The following PREX1 variants were observed in gnomAD, a reference collection of about 807,000 sequenced individuals.
PREX1 encodes the protein phosphatidylinositol 3,4,5-trisphosphate-dependent Rac exchanger 1 protein.
PREX1 carries 41 observed loss-of-function variants against 198.3 expected under a neutral mutation model. That is an observed-to-expected ratio of 0.21 (90% confidence interval 0.16 to 0.27). The LOEUF (loss-of-function observed/expected upper bound fraction) is 0.27. Among genes scored for constraint, PREX1 ranks in the 10% least tolerant of loss-of-function variants. PREX1 has a pLI of 1.00. For synonymous variants in PREX1, 843 were observed against 887.2 expected, an observed-to-expected ratio of 0.95 and a Z score of 0.89; for missense variants, 1,620 against 2,200.7, an observed-to-expected ratio of 0.74 and a Z score of 5.28.
In PREX1 at chr20:48,700,867, A is replaced by T; in HGVS notation, c.803T>A (p.Ile268Asn). Residue 268 changes from isoleucine (I) to asparagine (N), a missense_variant, in exon 7 of 40, where the codon ATC becomes AAC. By Grantham distance (149) the Ile-to-Asn change is moderately radical. Coordinates refer to ENST00000371941, the MANE Select transcript of PREX1 (RefSeq NM_020820.4). ...CCCTTGCAGGAGGAGCTGAGTGCAGATGTCTGTGAGGTTGGAACCCTGGAA... is the reference window on the plus strand; with the variant it reads ...CCCTTGCAGGAGGAGCTGAGTGCAGTTGTCTGTGAGGTTGGAACCCTGGAA... The part of the protein sequence containing the change: ...EGWEGSNLTD[I>N]CTQLLLQGTL... 6.2e-7 allele frequency: 1 copy of T among 1,614,180 alleles called. No individual in the cohort carries two copies. The highest frequency in any genetic ancestry group is 8.5e-7 in the Non-Finnish European group (1 of 1,180,032).
At chr20:48,773,868 A>T (rs540474436) in intron 1 of PREX1, among the ~76,000 whole-genome samples, 2 of 152,282 alleles carry the variant, frequency 1.3e-5, no homozygotes, top group Admixed American at 1.3e-4. Context: ...TGAACAACAG[A>T]CTGTAGCAGG....
In PREX1 at chr20:48,717,971, C is replaced by T. The variant is rs115013937; in HGVS notation, c.621+8319G>A. Among the ~76,000 whole-genome samples the T allele has an allele frequency of 4.7e-3, 709 of 152,336 alleles. 7 individuals are homozygous for T. Among genetic ancestry groups the T allele is most frequent in the African/African-American group, 0.016 (685 of 41,568 alleles). The stretch of plus-strand genomic sequence containing the variant: ...TCAGCAAAGCAGAAGCTCTGGCCAC[C>T]CTGGACTTGCGTTTCCACCTTACAG... On this transcript the variant is annotated intron_variant, in intron 5 of 39. Coordinates refer to ENST00000371941, the MANE Select transcript of PREX1 (RefSeq NM_020820.4).
At chr20:48,727,671 G>C (rs1455577616) in intron 4 of PREX1, among the ~76,000 whole-genome samples, 2 of 152,030 alleles carry the variant, frequency 1.3e-5, no homozygotes, top group Non-Finnish European at 2.9e-5. Context: ...ACAGAGCTGG[G>C]ACCTAGAGCC....
chr20:48,676,106 T>A, intron 14 of PREX1, 87 bp downstream of exon 14: 1 of 1,313,244 alleles, frequency 7.6e-7, no homozygotes, highest in Non-Finnish European at 1.1e-6. Context: ...TTAAAAGCAA[T>A]AAGAAAAAAT....
intron 14 of PREX1, among the ~76,000 whole-genome samples, chr20:48,669,294 C>T (rs577387063): frequency 6.6e-6 from 1 of 152,310 alleles, no homozygotes; most frequent in African/African-American, 2.4e-5. Context: ...TCCTTAACTA[C>T]CTGAAAGTAG....
Position 48,689,460 on chromosome 20 carries a change from C to T in PREX1, c.1187-656G>A, listed in dbSNP as rs115410768. Among the ~76,000 whole-genome samples, 354 of 152,310 alleles carry T rather than the reference C, an allele frequency of 2.3e-3. 2 individuals are homozygous for T. The highest frequency in any genetic ancestry group is 7.6e-3 in the African/African-American group (318 of 41,578). On this transcript the variant is annotated intron_variant, in intron 9 of 39. Coordinates refer to ENST00000371941, the MANE Select transcript of PREX1 (RefSeq NM_020820.4). The stretch of plus-strand genomic sequence containing the variant: ...GGTTGCCCAATTGGAAGTGGTGAAA[C>T]CAGAATTTAGACCCAGGAAGTTGGT...
At chr20:48,635,029 G>A (rs767095228) in intron 32 of PREX1, among the ~76,000 whole-genome samples, 5 of 152,114 alleles carry the variant, frequency 3.3e-5, no homozygotes, top group Admixed American at 1.3e-4. Context: ...TGCCTCTCTT[G>A]CCTGGATCAC....
At chr20:48,658,083 AC>A (rs757106377) in intron 17 of PREX1, 52 bp downstream of exon 17, 10 of 1,546,504 alleles carry the variant, frequency 6.5e-6, no homozygotes, top group Non-Finnish European at 8.8e-6. Context: ...GAAGAGAGAC[AC>A]CCCGCTCTGC....
intron 7 of PREX1, among the ~76,000 whole-genome samples, chr20:48,698,328 C>T (rs2089857354): frequency 6.6e-6 from 1 of 152,210 alleles, no homozygotes; most frequent in Admixed American, 6.5e-5. Context: ...GTAAACTCAT[C>T]TAAAAGTTGG....
At chr20:48,676,136 C>T in intron 14 of PREX1, 57 bp downstream of exon 14, 1 of 1,515,848 alleles carries the variant, frequency 6.6e-7, no homozygotes, top group Non-Finnish European at 9.2e-7. Context: ...AAACAGAAAG[C>T]CCCACACTGA....
rs149464269 is a variant in PREX1 at position 48,642,108 on chromosome 20, C to T, written c.3775+60G>A. Reference sequence around the variant, plus strand: ...GAGCTGAGCATTAGCCCGGGTACGCCGCCCTGTCTAACACCCTTCCCCATC... The same window carrying T: ...GAGCTGAGCATTAGCCCGGGTACGCTGCCCTGTCTAACACCCTTCCCCATC... On this transcript the variant is annotated intron_variant, in intron 29 of 39. Transcript: ENST00000371941. 2.1e-4 allele frequency: 332 copies of T among 1,545,398 alleles called. 1 individual carries two copies. In the African/African-American group the frequency reaches 3.9e-3, roughly 18 times the overall value.
chr20:48,705,672 T>C (rs1048114664), intron 6 of PREX1, among the ~76,000 whole-genome samples: 1 of 152,254 alleles, frequency 6.6e-6, no homozygotes, highest in Non-Finnish European at 1.5e-5. Flanking sequence ...GACGTCATTT[T>C]TTCTAGCTAG....
chr20:48,654,030 C>G (rs1601048026), intron 19 of PREX1, among the ~76,000 whole-genome samples: 1 of 152,164 alleles, frequency 6.6e-6, no homozygotes, highest in East Asian at 1.9e-4. Flanking sequence ...CAAGCTTTGC[C>G]CAGACATGGG....
chr20:48,860,373 G>A, the PREX1 span, among the ~76,000 whole-genome samples: 1 of 152,216 alleles, frequency 6.6e-6, no homozygotes, highest in East Asian at 1.9e-4. Context: ...GGGGCAGAAG[G>A]GCAGAATGGG....
At chr20:48,638,665 G>A (rs2089384913) in intron 30 of PREX1, among the ~76,000 whole-genome samples, 1 of 151,770 alleles carries the variant, frequency 6.6e-6, no homozygotes, top group Non-Finnish European at 1.5e-5. Context: ...CACCACGCCA[G>A]GCAGCCAGGC....
intron 33 of PREX1, 36 bp downstream of exon 33, chr20:48,634,640 C>T: frequency 1.9e-6 from 3 of 1,603,946 alleles, no homozygotes; most frequent in African/African-American, 1.3e-5. Flanking sequence ...CCCAGGACCC[C>T]ACCTCTCACA....
At chr20:48,875,302 G>A in the PREX1 span, among the ~76,000 whole-genome samples, 2 of 152,166 alleles carry the variant, frequency 1.3e-5, no homozygotes, top group South Asian at 2.1e-4. Context: ...CGGCGGGTGC[G>A]AAAGCATTGA....
At chr20:48,723,841 C>A (rs1457792398) in intron 5 of PREX1, among the ~76,000 whole-genome samples, 1 of 152,148 alleles carries the variant, frequency 6.6e-6, no homozygotes, top group Non-Finnish European at 1.5e-5. Flanking sequence ...AGCCTAGAGT[C>A]CACCGTACAC....
intron 6 of PREX1, among the ~76,000 whole-genome samples, chr20:48,707,113 G>A (rs1053299339): frequency 3.9e-5 from 6 of 152,286 alleles, no homozygotes; most frequent in Non-Finnish European, 7.4e-5. Flanking sequence ...GGAAGCTGGC[G>A]CCCGGGCCCT....
Sources: gnomAD v4.1 joint callset for allele counts (sites outside exome capture counted in the v4.1 genomes callset) on GRCh38, gnomAD v4.1.1 for gene constraint, MANE v1.5 for transcripts, NCBI Gene and HGNC (gene_info 2026-07-23, HGNC 2026-07-21) for gene names.